NRXN1: variants seen among roughly 807,000 people sequenced by gnomAD.
NRXN1 encodes the protein neurexin 1, also known as neurexin-1.
Under a neutral mutation model 150.9 loss-of-function variants are expected in NRXN1, and 39 were observed. The ratio of observed to expected loss-of-function variants is 0.26; its 90% CI spans 0.20 to 0.34. NRXN1 has a LOEUF of 0.34. Ranked by LOEUF, NRXN1 falls within the 10% of genes least tolerant of loss-of-function variation. The pLI is 1.00. For missense variants in NRXN1, 1,815 were observed against 1,949.9 expected, an observed-to-expected ratio of 0.93 and a Z score of 1.30; for synonymous variants, 924 against 757.0, an observed-to-expected ratio of 1.22 and a Z score of -3.62.
At chr2:50,042,553 T>G (rs1691155635) in intron 21 of NRXN1, among the ~76,000 whole-genome samples, 1 of 152,194 alleles carries the variant, frequency 6.6e-6, no homozygotes, top group African/African-American at 2.4e-5. Context: ...AGCGTGGGAA[T>G]GGACTAATAC....
intron 18 of NRXN1, among the ~76,000 whole-genome samples, chr2:50,140,137 T>G (rs372546864): frequency 1.3e-5 from 2 of 152,162 alleles, no homozygotes; most frequent in African/African-American, 2.4e-5. Flanking sequence ...GATTAAAATA[T>G]ATACAGCATG....
At chr2:50,492,654 T>G (rs2104875962) in intron 15 of NRXN1, among the ~76,000 whole-genome samples, 1 of 152,326 alleles carries the variant, frequency 6.6e-6, no homozygotes, top group Non-Finnish European at 1.5e-5. Flanking sequence ...TTTTGTGGCC[T>G]TCTGCTGCCC....
intron 5 of NRXN1, among the ~76,000 whole-genome samples, chr2:50,667,135 A>T (rs1688172969): frequency 6.6e-6 from 1 of 151,954 alleles, no homozygotes; most frequent in Non-Finnish European, 1.5e-5. Context: ...GATTTAAAAA[A>T]TTTATAAATT....
At chr2:50,688,836 A>G (rs1432364703) in intron 5 of NRXN1, among the ~76,000 whole-genome samples, 1 of 152,198 alleles carries the variant, frequency 6.6e-6, no homozygotes, top group Non-Finnish European at 1.5e-5. Flanking sequence ...GGGCCACCAG[A>G]AAGTGCCATG....
chr2:50,767,343 C>T (rs934365511), intron 5 of NRXN1, among the ~76,000 whole-genome samples: 3 of 151,936 alleles, frequency 2.0e-5, no homozygotes, highest in African/African-American at 7.2e-5. Flanking sequence ...ATTTTCTCCC[C>T]CTTATTGTCT....
chr2:51,031,520 T>C (rs1249861864), intron 1 of NRXN1, among the ~76,000 whole-genome samples: 1 of 152,058 alleles, frequency 6.6e-6, no homozygotes, highest in Non-Finnish European at 1.5e-5. Flanking sequence ...CCCCTGGCTT[T>C]TGCAAAGTCT....
At chr2:50,278,285 A>ATATT (rs1558437343) in intron 17 of NRXN1, among the ~76,000 whole-genome samples, 1 of 60,728 alleles carries the variant, frequency 1.6e-5, no homozygotes, top group African/African-American at 6.4e-5. Context: ...TTATATATAT[A>ATATT]ATACATATAT....
At chr2:50,417,912 C>A (rs1450271146) in intron 17 of NRXN1, among the ~76,000 whole-genome samples, 1 of 151,686 alleles carries the variant, frequency 6.6e-6, no homozygotes, top group African/African-American at 2.4e-5. Flanking sequence ...GATAAGAAGG[C>A]TAAAATATCA....
intron 12 of NRXN1, among the ~76,000 whole-genome samples, chr2:50,528,322 G>A (rs998745986): frequency 6.6e-6 from 1 of 152,006 alleles, no homozygotes; most frequent in Non-Finnish European, 1.5e-5. Context: ...GTTATGAAGA[G>A]AACAACTGGA....
At chr2:50,829,355 C>T in intron 5 of NRXN1, 1 of 851,724 alleles carries the variant, frequency 1.2e-6, no homozygotes, top group South Asian at 1.6e-5. Flanking sequence ...GTCAAACTCC[C>T]AAACTCAGGT....
At chr2:50,854,792 G>A (rs995432603) in intron 5 of NRXN1, among the ~76,000 whole-genome samples, 1 of 151,906 alleles carries the variant, frequency 6.6e-6, no homozygotes, top group Non-Finnish European at 1.5e-5. Flanking sequence ...CAGGCACAAG[G>A]GACTAGAAAA....
intron 18 of NRXN1, among the ~76,000 whole-genome samples, chr2:50,116,962 G>T (rs1267575034): frequency 6.6e-6 from 1 of 152,090 alleles, no homozygotes; most frequent in Non-Finnish European, 1.5e-5. Flanking sequence ...AGGTAGTGGG[G>T]TGTTACAGGG....
chr2:50,803,990 G>A (rs1035842093), intron 5 of NRXN1, among the ~76,000 whole-genome samples: 1 of 151,938 alleles, frequency 6.6e-6, no homozygotes, highest in Admixed American at 6.6e-5. Context: ...AATTCTCTCT[G>A]GGTCAACACT....
intron 17 of NRXN1, among the ~76,000 whole-genome samples, chr2:50,371,772 T>C (rs898045113): frequency 2.7e-5 from 3 of 112,230 alleles, no homozygotes; most frequent in Non-Finnish European, 5.3e-5. Context: ...TTGCAATTTA[T>C]AAGATATTTT....
intron 5 of NRXN1, among the ~76,000 whole-genome samples, chr2:50,860,934 G>C (rs959930677): frequency 1.3e-5 from 2 of 152,024 alleles, no homozygotes; most frequent in Non-Finnish European, 2.9e-5. Context: ...TTGTTGCCTA[G>C]TTCTCTCAAA....
chr2:50,586,535 G>A (rs1171325440), intron 8 of NRXN1, among the ~76,000 whole-genome samples: 1 of 151,658 alleles, frequency 6.6e-6, no homozygotes, highest in African/African-American at 2.4e-5. Context: ...TTTAATGAGT[G>A]AATGTATTGG....
At chr2:50,262,099 C>T (rs964956661) in intron 17 of NRXN1, among the ~76,000 whole-genome samples, 1 of 151,910 alleles carries the variant, frequency 6.6e-6, no homozygotes, top group African/African-American at 2.4e-5. Flanking sequence ...TGAGGCAATT[C>T]AGCAGACAAC....
At chr2:49,932,968 T>C (rs1255844842) in intron 22 of NRXN1, among the ~76,000 whole-genome samples, 1 of 152,236 alleles carries the variant, frequency 6.6e-6, no homozygotes, top group Non-Finnish European at 1.5e-5. Flanking sequence ...TTTTATATAC[T>C]CAGTGTGTCT....
chr2:50,592,680 T>C (rs775492680), intron 8 of NRXN1, among the ~76,000 whole-genome samples: 12 of 152,324 alleles, frequency 7.9e-5, no homozygotes, highest in Non-Finnish European at 1.5e-4. Flanking sequence ...CTTTGTTGAT[T>C]TATAGACTTT....
Sources: allele counts gnomAD v4.1 joint callset (sites outside exome capture counted in the v4.1 genomes callset), GRCh38; gene constraint gnomAD v4.1.1; transcripts MANE v1.5; gene names NCBI Gene and HGNC (gene_info 2026-07-23, HGNC 2026-07-21).